Variants in RAPGEF4 observed in about 807,000 individuals in gnomAD.
The protein encoded by RAPGEF4 is Rap guanine nucleotide exchange factor 4.
Under a neutral mutation model 147.9 loss-of-function variants are expected in RAPGEF4, and 66 were observed. The ratio of observed to expected loss-of-function variants is 0.45; its 90% CI spans 0.37 to 0.55. The LOEUF is 0.55. Among genes scored for constraint, RAPGEF4 ranks in the 20% least tolerant of loss-of-function variants. RAPGEF4 has a pLI of 0.00. For synonymous variants in RAPGEF4, 419 were observed against 442.7 expected, an observed-to-expected ratio of 0.95 and a Z score of 0.67; for missense variants, 1,071 against 1,257.3, an observed-to-expected ratio of 0.85 and a Z score of 2.24.
chr2:173,007,112 G>A (rs1387802912), intron 17 of RAPGEF4, among the ~76,000 whole-genome samples: 1 of 152,150 alleles, frequency 6.6e-6, no homozygotes, highest in Non-Finnish European at 1.5e-5. Flanking sequence ...AAGTGAGCTT[G>A]AGCAGCTAGG....
intron 4 of RAPGEF4, among the ~76,000 whole-genome samples, chr2:172,854,781 C>CG (rs1693229832): frequency 2.0e-5 from 3 of 151,718 alleles, no homozygotes; most frequent in Admixed American, 1.3e-4. Flanking sequence ...GATGCAAGGC[C>CG]AACAAAAATA....
chr2:172,773,645 C>CCTCCCTGCCCCACACTG (rs1683862855), intron 1 of RAPGEF4, among the ~76,000 whole-genome samples: 1 of 138,328 alleles, frequency 7.2e-6, no homozygotes, highest in African/African-American at 3.0e-5. Context: ...CCCCACACTG[C>CCTCCCTGCCCCACACTG]CCCCCCCGCG....
chr2:173,034,117 T>G (rs1312107491), intron 27 of RAPGEF4, among the ~76,000 whole-genome samples, 153 bp downstream of exon 27: 1 of 152,218 alleles, frequency 6.6e-6, no homozygotes, highest in Non-Finnish European at 1.5e-5. Flanking sequence ...AACAAGCATG[T>G]CTGACTAATG....
intron 29 of RAPGEF4, among the ~76,000 whole-genome samples, chr2:173,038,465 A>G (rs75865816): frequency 0.02 from 2,985 of 152,316 alleles, 98 homozygotes; most frequent in African/African-American, 0.068. Flanking sequence ...TTTGATGGCT[A>G]TCATTCTCAG....
chr2:172,917,715 C>T, intron 4 of RAPGEF4, 87 bp from the exon 5 acceptor site: 1 of 1,167,756 alleles, frequency 8.6e-7, no homozygotes. Context: ...TCCTGACACC[C>T]AGCATTTCTG....
At chr2:172,962,457 T>G (rs1689394879) in intron 8 of RAPGEF4, among the ~76,000 whole-genome samples, 1 of 152,128 alleles carries the variant, frequency 6.6e-6, no homozygotes, top group African/African-American at 2.4e-5. Flanking sequence ...AAATAAGTGC[T>G]CAATAAATGT....
At chr2:172,928,047 T>C (rs1268825675) in intron 6 of RAPGEF4, 1 of 277,532 alleles carries the variant, frequency 3.6e-6, no homozygotes, top group African/African-American at 2.2e-5. Flanking sequence ...GCTGGCCCAA[T>C]CCTGTGAGCT....
chr2:172,745,036 A>C (rs1259411071), intron 1 of RAPGEF4, among the ~76,000 whole-genome samples: 3 of 152,082 alleles, frequency 2.0e-5, no homozygotes, highest in African/African-American at 7.2e-5. Context: ...TTTCATGTCA[A>C]TTCATGAGGG....
intron 1 of RAPGEF4, among the ~76,000 whole-genome samples, chr2:172,759,594 T>A (rs1696102676): frequency 6.6e-6 from 1 of 152,072 alleles, no homozygotes; most frequent in South Asian, 2.1e-4. Context: ...AAAGCCAGAG[T>A]TGTCAAGTGA....
chr2:172,831,266 CTTTTTT>C (rs71018521), intron 4 of RAPGEF4, among the ~76,000 whole-genome samples: 8 of 53,886 alleles, frequency 1.5e-4, no homozygotes, highest in South Asian at 1.5e-3. Context: ...AGATAGAAAA[CTTTTTT>C]TTTTTTTTTT....
Position 172,795,167 on chromosome 2 carries a change from T to C in RAPGEF4, c.208T>C (p.Leu70=), listed in dbSNP as rs777037601. ...YYENLEKGIT[L]FRQGDIGTNW... is the part of the protein sequence containing the mutation. ...TGAGAATCTGGAAAAGGGAATAACA[T>C]GTAAGAAATGCAACTCTTGTAGTAT... Residue 70 remains leucine (L), a splice_region_variant and synonymous_variant, in exon 2 of 31, where the codon TTA becomes CTA. Transcript: ENST00000397081. The C allele has an allele frequency of 6.2e-6, 10 of 1,604,298 alleles. No individual in the cohort carries two copies. Among genetic ancestry groups the C allele is most frequent in the South Asian group, 1.1e-5 (1 of 90,744 alleles).
At chr2:172,922,222 C>T in intron 5 of RAPGEF4, 59 bp from the exon 6 acceptor site, 1 of 1,541,824 alleles carries the variant, frequency 6.5e-7, no homozygotes, top group African/African-American at 1.4e-5. Context: ...ATTTCAATTC[C>T]ACTTTACCGG....
chr2:172,944,995 C>CTTTCTTCT (rs1687548094), intron 6 of RAPGEF4, among the ~76,000 whole-genome samples: 1 of 151,874 alleles, frequency 6.6e-6, no homozygotes, highest in Non-Finnish European at 1.5e-5. Flanking sequence ...TTCTTATACA[C>CTTTCTTCT]ATTCTTGGAA....
intron 17 of RAPGEF4, among the ~76,000 whole-genome samples, chr2:173,004,790 T>G (rs927744284): frequency 5.9e-5 from 9 of 152,060 alleles, no homozygotes; most frequent in Admixed American, 5.9e-4. Flanking sequence ...ATATACATTT[T>G]TATGTTCATA....
chr2:173,039,710 G>C (rs1684510501), intron 29 of RAPGEF4, among the ~76,000 whole-genome samples: 1 of 152,108 alleles, frequency 6.6e-6, no homozygotes, highest in African/African-American at 2.4e-5. Flanking sequence ...TCCCATGAAA[G>C]GAAGGCTAAA....
At chr2:172,826,934 C>T (rs1305350644) in intron 4 of RAPGEF4, among the ~76,000 whole-genome samples, 1 of 151,536 alleles carries the variant, frequency 6.6e-6, no homozygotes, top group Non-Finnish European at 1.5e-5. Flanking sequence ...CACTGCACTC[C>T]AGCCTGGGTG....
chr2:172,865,644 C>A (rs1428310079), intron 4 of RAPGEF4, among the ~76,000 whole-genome samples: 1 of 152,086 alleles, frequency 6.6e-6, no homozygotes, highest in Non-Finnish European at 1.5e-5. Flanking sequence ...ATCTGCCTTG[C>A]CTTCTTACCC....
intron 23 of RAPGEF4, 99 bp downstream of exon 23, chr2:173,020,814 T>C: frequency 1.2e-6 from 1 of 858,592 alleles, no homozygotes; most frequent in South Asian, 1.6e-5. Context: ...TAAAAAATCT[T>C]GAATGGTACT....
At chr2:172,938,250 A>G (rs1371264318) in intron 6 of RAPGEF4, among the ~76,000 whole-genome samples, 1 of 136,914 alleles carries the variant, frequency 7.3e-6, no homozygotes, top group Non-Finnish European at 1.6e-5. Flanking sequence ...CACACAGACA[A>G]CCATCTGTAT....
Sources: allele counts gnomAD v4.1 joint callset (sites outside exome capture counted in the v4.1 genomes callset), GRCh38; gene constraint gnomAD v4.1.1; transcripts MANE v1.5; gene names NCBI Gene and HGNC (gene_info 2026-07-23, HGNC 2026-07-21).